The following PSMA6 variants were observed in gnomAD, a reference collection of about 807,000 sequenced individuals.
The protein encoded by PSMA6 is proteasome subunit alpha type-6.
For synonymous variants in PSMA6, 88 were observed against 97.7 expected, an observed-to-expected ratio of 0.90 and a Z score of 0.59; for missense variants, 170 against 294.8, an observed-to-expected ratio of 0.58 and a Z score of 3.10.
At chr14:35,305,625 C>A (rs1210683589) in intron 1 of PSMA6, among the ~76,000 whole-genome samples, 1 of 152,180 alleles carries the variant, frequency 6.6e-6, no homozygotes, top group East Asian at 1.9e-4. Context: ...ACAGATGAGG[C>A]CTTGGCTCAG....
At chr14:35,314,974 T>TGTGTGC (rs1446156348) in intron 6 of PSMA6, 1 of 152,068 alleles carries the variant, frequency 6.6e-6, no homozygotes, top group Non-Finnish European at 1.5e-5. Flanking sequence ...TGTGTGTGTG[T>TGTGTGC]GTGTGTGTGT....
intron 1 of PSMA6, among the ~76,000 whole-genome samples, chr14:35,305,883 G>A (rs762586018): frequency 1.3e-5 from 2 of 151,938 alleles, no homozygotes; most frequent in Non-Finnish European, 2.9e-5. Context: ...CAGAGTTTGA[G>A]ACCAGCCTGG....
At chr14:35,307,161 G>C (rs1184165976) in intron 1 of PSMA6, among the ~76,000 whole-genome samples, 1 of 152,072 alleles carries the variant, frequency 6.6e-6, no homozygotes, top group East Asian at 1.9e-4. Context: ...AAAGAAAAGA[G>C]TCATATGTTG....
At chr14:35,312,739 A>T in intron 4 of PSMA6, 142 bp from the exon 5 acceptor site, 2 of 644,606 alleles carry the variant, frequency 3.1e-6, no homozygotes, top group Non-Finnish European at 2.5e-6. Context: ...CCTGTATTTT[A>T]TCAGTTTTCT....
upstream of PSMA6, among the ~76,000 whole-genome samples, chr14:35,289,792 G>A (rs1390033609): frequency 6.6e-6 from 1 of 151,886 alleles, no homozygotes; most frequent in African/African-American, 2.4e-5. Context: ...GACTGTTGGT[G>A]TGCAGCTGCA....
intron 1 of PSMA6, among the ~76,000 whole-genome samples, chr14:35,296,584 C>T (rs2051593249): frequency 6.6e-6 from 1 of 152,108 alleles, no homozygotes; most frequent in African/African-American, 2.4e-5. Context: ...CCACCTCGGC[C>T]TCCCAAAGTT....
intron 1 of PSMA6, among the ~76,000 whole-genome samples, chr14:35,293,693 C>T (rs2051530294): frequency 6.6e-6 from 1 of 152,142 alleles, no homozygotes; most frequent in Non-Finnish European, 1.5e-5. Flanking sequence ...TTTAATTTAT[C>T]CCCAATTGAA....
intron 2 of PSMA6, chr14:35,308,362 G>A (rs948231480): frequency 6.7e-5 from 18 of 266,712 alleles, no homozygotes; most frequent in Admixed American, 2.0e-4. Context: ...TGGAGGTTAC[G>A]GTGAGCCAGG....
chr14:35,278,721 A>G lies in PSMA6; in HGVS notation c.19+3A>G, dbSNP rs758607423. ...GGCTATGGCAGGTCTTCGGAGAGGT[A>G]AGTCCCTCACTCAGACTTGTTGCTT... On this transcript the variant is annotated splice_donor_region_variant and intron_variant, in intron 1 of 6. Transcript: ENST00000540871. The G allele has an allele frequency of 2.6e-6, 4 of 1,534,332 alleles. No homozygotes were observed. In the Middle Eastern group the frequency reaches 7.6e-4, roughly 293 times the overall value.
intron 3 of PSMA6, among the ~76,000 whole-genome samples, chr14:35,309,988 T>C (rs1489443650): frequency 2.0e-5 from 3 of 151,342 alleles, no homozygotes; most frequent in Non-Finnish European, 2.9e-5. Flanking sequence ...AAAAAAAAAT[T>C]AGCTGGTATG....
intron 1 of PSMA6, among the ~76,000 whole-genome samples, chr14:35,280,017 C>T (rs931537418): frequency 2.0e-5 from 3 of 151,412 alleles, no homozygotes; most frequent in African/African-American, 4.9e-5. Flanking sequence ...CCCAGCTACT[C>T]GGGAGGCTGA....
chr14:35,308,566 G>C (rs746619749), intron 2 of PSMA6: 12 of 258,196 alleles, frequency 4.6e-5, no homozygotes, highest in Non-Finnish European at 6.7e-5. Context: ...TCTATATACA[G>C]TTCAGCTGTG....
intron 1 of PSMA6, among the ~76,000 whole-genome samples, chr14:35,297,273 T>C (rs546410803): frequency 6.6e-6 from 1 of 152,058 alleles, no homozygotes; most frequent in South Asian, 2.1e-4. Flanking sequence ...TGGAGTGCAG[T>C]GTTGCAATCT....
At chr14:35,281,779 AT>A (rs1376605580) in intron 1 of PSMA6, among the ~76,000 whole-genome samples, 75 of 152,244 alleles carry the variant, frequency 4.9e-4, no homozygotes, top group African/African-American at 1.8e-3. Flanking sequence ...TTTTTAAATT[AT>A]AAAATAGAGA....
intron 4 of PSMA6, 178 bp downstream of exon 4, chr14:35,311,073 G>T: frequency 7.0e-6 from 4 of 571,592 alleles, no homozygotes; most frequent in Non-Finnish European, 8.8e-6. Context: ...CAGTATGTCG[G>T]GCATTATCTT....
chr14:35,303,701 A>G (rs2051763971), intron 1 of PSMA6, among the ~76,000 whole-genome samples: 2 of 152,224 alleles, frequency 1.3e-5, no homozygotes, highest in African/African-American at 2.4e-5. Flanking sequence ...TTGTACAGCT[A>G]GTCCTCCATA....
chr14:35,316,499 A>G (rs1341127046), intron 6 of PSMA6: 2 of 152,116 alleles, frequency 1.3e-5, no homozygotes, highest in African/African-American at 4.8e-5. Context: ...GAATCTGAAC[A>G]CTTTAATATG....
At chr14:35,298,596 A>C (rs900657449) in intron 1 of PSMA6, among the ~76,000 whole-genome samples, 1 of 152,196 alleles carries the variant, frequency 6.6e-6, no homozygotes, top group Non-Finnish European at 1.5e-5. Flanking sequence ...TAAGTTTCCA[A>C]AATTTTAGCC....
At chr14:35,289,692 A>G (rs1051388996), upstream of PSMA6, among the ~76,000 whole-genome samples, 3 of 152,104 alleles carry the variant, frequency 2.0e-5, no homozygotes, top group African/African-American at 4.8e-5. Context: ...GGCTAAGGCC[A>G]AAGGATCCCT....
Sources: gnomAD v4.1 joint callset for allele counts (sites outside exome capture counted in the v4.1 genomes callset) on GRCh38, gnomAD v4.1.1 for gene constraint, MANE v1.5 for transcripts, NCBI Gene and HGNC (gene_info 2026-07-23, HGNC 2026-07-21) for gene names.